The following MCM3AP variants were observed in gnomAD, a reference collection of about 807,000 sequenced individuals.
MCM3AP encodes germinal-center associated nuclear protein.
MCM3AP carries 126 observed loss-of-function variants against 184.1 expected under a neutral mutation model. The observed-to-expected ratio is 0.68, with a 90% CI of 0.59 to 0.79. The LOEUF (loss-of-function observed/expected upper bound fraction) is 0.79, where lower values mean the gene tolerates loss of function less well. MCM3AP is among the 30% of genes least tolerant of loss of function. The pLI is 0.00. For synonymous variants in MCM3AP, 1,002 were observed against 979.3 expected, an observed-to-expected ratio of 1.02 and a Z score of -0.43; for missense variants, 2,496 against 2,479.2, an observed-to-expected ratio of 1.01 and a Z score of -0.14.
chr21:46,273,687 A>C, intron 6 of MCM3AP, 102 bp from the exon 7 acceptor site: 2 of 767,036 alleles, frequency 2.6e-6, no homozygotes, highest in Non-Finnish European at 4.4e-6. Context: ...CACCCACACA[A>C]GATCAGTATT....
intron 26 of MCM3AP, among the ~76,000 whole-genome samples, chr21:46,240,411 G>A (rs1396006478): frequency 6.6e-6 from 1 of 152,070 alleles, no homozygotes; most frequent in Admixed American, 6.6e-5. Flanking sequence ...GCAATGTAGA[G>A]GAGGGGCAGC....
chr21:46,285,484 CTA>C lies in MCM3AP; in HGVS notation c.-200_-199del, dbSNP rs1410306254. On this transcript the variant is annotated 5_prime_UTR_variant, in exon 1 of 28. Transcript: ENST00000291688. ...GAACACTGTCATACTAAAAGGATAA[CTA>C]TTTCAAAGGCAGGCAAAGGGTTATT... The C allele has an allele frequency of 2.6e-5, 15 of 574,954 alleles. No homozygotes were observed. Among genetic ancestry groups the C allele is most frequent in the Non-Finnish European group, 3.7e-5 (12 of 325,904 alleles). 35.6% of individuals were successfully genotyped at this position (574,954 alleles called of 1,614,324 possible). A position where few individuals can be genotyped will look rare whatever the true frequency, so the allele number is the denominator to read the frequency against.
intron 13 of MCM3AP, 122 bp downstream of exon 13, chr21:46,263,995 G>C: frequency 1.7e-6 from 1 of 601,046 alleles, no homozygotes; most frequent in Non-Finnish European, 3.0e-6. Flanking sequence ...CACTGTATCT[G>C]GCAATAACTT....
Position 46,261,345 on chromosome 21 carries a change from T to A in MCM3AP, c.3402A>T (p.Ala1134=). 6.2e-7 allele frequency: 1 copy of A among 1,614,186 alleles called. No homozygotes were observed. The change falls in exon 14 of 28, where the codon GCA becomes GCT. Residue 1134 remains alanine, a synonymous_variant. Coordinates refer to ENST00000291688, the MANE Select transcript of MCM3AP (RefSeq NM_003906.5). Reference sequence around the variant, plus strand: ...CTCTTTCCTTAGACACTTCTTCAGCTGCAATGTGCCTCAAAATGCCCGTGG... The same window carrying A: ...CTCTTTCCTTAGACACTTCTTCAGCAGCAATGTGCCTCAAAATGCCCGTGG... ...AATTGILRHI[A]AEEVSKERER...
chr21:46,243,557 G>A lies in MCM3AP; in HGVS notation c.5204C>T (p.Ser1735Leu), dbSNP rs1053009267. The change falls in exon 24 of 28, where the codon TCG becomes TTG. Residue 1735 changes from serine (S) to leucine (L), a missense_variant. By Grantham distance (145) the Ser-to-Leu change is moderately radical. This residue lies in a region of MCM3AP where 1,323 missense variants were observed against 1,273.4 expected (regional missense o/e 1.04). Transcript: ENST00000291688. ...ATCATCCCATGGGATCTCCATGACC[G>A]AGGGGCCTGCCCCATGGACTGGGGA... ...SPSPVHGAGP[S>L]VMEIPWDDLI... is the part of the protein sequence containing the mutation. The A allele has an allele frequency of 1.7e-5, 28 of 1,614,180 alleles. No individual in the cohort carries two copies. Among genetic ancestry groups the A allele is most frequent in the South Asian group, 3.3e-5 (3 of 91,076 alleles).
intron 20 of MCM3AP, among the ~76,000 whole-genome samples, chr21:46,249,431 C>T (rs375773527): frequency 8.3e-4 from 127 of 152,218 alleles, no homozygotes; most frequent in Middle Eastern, 3.4e-3. Flanking sequence ...CAAAACAATC[C>T]GCTCACTTCG....
At chr21:46,278,954 T>G (rs2081289939) in intron 4 of MCM3AP, among the ~76,000 whole-genome samples, 3 of 680 alleles carry the variant, frequency 4.4e-3, no homozygotes, top group South Asian at 0.056. Context: ...ATTACAGGCG[T>G]GAGCACTGCG....
chr21:46,261,729 T>A, intron 13 of MCM3AP, among the ~76,000 whole-genome samples: 1 of 78,382 alleles, frequency 1.3e-5, no homozygotes. Flanking sequence ...CGAGACTCTG[T>A]CTCAAAAAAA....
Position 46,259,100 on chromosome 21 carries a change from A to G in MCM3AP, c.3582-9T>C, listed in dbSNP as rs1371445082. The G allele has an allele frequency of 6.2e-7, 1 of 1,602,056 alleles. No homozygotes were observed. The highest frequency in any genetic ancestry group is 8.5e-7 in the Non-Finnish European group (1 of 1,174,468). On this transcript the variant is annotated splice_polypyrimidine_tract_variant and intron_variant, in intron 15 of 27. Coordinates refer to ENST00000291688, the MANE Select transcript of MCM3AP (RefSeq NM_003906.5). ...CTGTCTCTACTGCATTCCTAGAAAC[A>G]GGGCAATCAGCATGGAAGACACTGC...
In MCM3AP at chr21:46,254,930, C is replaced by T; in HGVS notation, c.3933-86G>A. On this transcript the variant is annotated intron_variant, in intron 17 of 27. Transcript: ENST00000291688. ...TGTCCCCTGGGGAATACTCAGGAGA[C>T]TGAAAAACACATTTTCTGCCAATGA... 4 of 920,530 alleles carry T rather than the reference C, an allele frequency of 4.3e-6. No homozygotes were observed. In the South Asian group the frequency reaches 5.3e-5, roughly 12 times the overall value. The allele number at this position is 920,530 out of a possible 1,614,324, so 57.0% of individuals were successfully genotyped here. A position where few individuals can be genotyped will look rare whatever the true frequency, so the allele number is the denominator to read the frequency against.
intron 10 of MCM3AP, 176 bp from the exon 11 acceptor site, chr21:46,266,342 T>C (rs1465975635): frequency 3.4e-6 from 2 of 594,366 alleles, no homozygotes; most frequent in Admixed American, 3.1e-5. Context: ...TGTAGGTCCC[T>C]AGAACCACTA....
rs149391613 is a variant in MCM3AP at position 46,272,206 on chromosome 21, A to G, written c.2465+355T>C. ...ATCTTTGACAAAACTATCTGGGAACAGGGAACTGCTAACAACCTTGCAGGG... is the reference window on the plus strand; with the variant it reads ...ATCTTTGACAAAACTATCTGGGAACGGGGAACTGCTAACAACCTTGCAGGG... On this transcript the variant is annotated intron_variant, in intron 8 of 27. Coordinates refer to ENST00000291688, the MANE Select transcript of MCM3AP (RefSeq NM_003906.5). Among the ~76,000 whole-genome samples the G allele has an allele frequency of 3.4e-3, 515 of 152,340 alleles. 5 individuals carry two copies. The highest frequency in any genetic ancestry group is 0.012 in the African/African-American group (484 of 41,584).
At chr21:46,264,057 G>A in intron 13 of MCM3AP, 60 bp downstream of exon 13, 1 of 1,198,126 alleles carries the variant, frequency 8.3e-7, no homozygotes, top group Non-Finnish European at 1.2e-6. Context: ...GAAACTTCTG[G>A]AGGACTGGGT....
chr21:46,283,659 T>A lies in MCM3AP; in HGVS notation c.1399A>T (p.Thr467Ser). 2 of 1,614,196 alleles carry A rather than the reference T, an allele frequency of 1.2e-6. No homozygotes were observed. Among genetic ancestry groups the A allele is most frequent in the Non-Finnish European group, 1.7e-6 (2 of 1,180,030 alleles). The change falls in exon 2 of 28, where the codon ACC (threonine) becomes TCC (serine). Residue 467 changes from threonine (T) to serine (S), a missense_variant. Thr to Ser is a moderately conservative substitution (Grantham distance 58). This residue lies in a region of MCM3AP where 800 missense variants were observed against 717.1 expected (regional missense o/e 1.12). Coordinates refer to ENST00000291688, the MANE Select transcript of MCM3AP (RefSeq NM_003906.5). ...ACTGCAAGCTTTTTGCTGCGCCTGG[T>A]AAAGATGCGCTGCACTTTAGCAATT... ...GKIAKVQRIFTRRSKKLAVVH... is the reference protein window; with the variant it reads ...GKIAKVQRIFSRRSKKLAVVH...
intron 8 of MCM3AP, among the ~76,000 whole-genome samples, chr21:46,272,271 TGAG>T (rs1217831296): frequency 1.3e-5 from 2 of 152,350 alleles, no homozygotes; most frequent in East Asian, 1.9e-4. Context: ...ACCTGTCTCA[TGAG>T]GAGGATTCCT....
At position 46,246,541 on chromosome 21, in the gene MCM3AP, C is replaced by T. The variant is rs900951069; in HGVS notation, c.4549+87G>A. On this transcript the variant is annotated intron_variant, in intron 21 of 27. Coordinates refer to ENST00000291688, the MANE Select transcript of MCM3AP (RefSeq NM_003906.5). ...GTTGCTGTCTCAGTGATTCCTGACC[C>T]CAACACTACTGGACCATCCTCAGAC... is the stretch of plus-strand genomic sequence containing the variant. 5.1e-6 allele frequency: 8 copies of T among 1,559,794 alleles called. No individual in the cohort carries two copies. In the African/African-American group the frequency reaches 8.1e-5, roughly 16 times the overall value.
At chr21:46,250,499 C>T (rs2080852214) in intron 20 of MCM3AP, 4 of 152,216 alleles carry the variant, frequency 2.6e-5, no homozygotes, top group Non-Finnish European at 5.9e-5. Context: ...AGGTTATAAA[C>T]ACACTCAGAC....
At chr21:46,273,714 C>T in intron 6 of MCM3AP, 129 bp from the exon 7 acceptor site, 1 of 677,538 alleles carries the variant, frequency 1.5e-6, no homozygotes, top group Non-Finnish European at 2.4e-6. Flanking sequence ...TATATTTTTT[C>T]AACATAAAAT....
chr21:46,275,799 C>T (rs959800157), intron 5 of MCM3AP, among the ~76,000 whole-genome samples: 3 of 152,178 alleles, frequency 2.0e-5, no homozygotes, highest in African/African-American at 4.8e-5. Context: ...CAGTATTCAC[C>T]ATGACTTTAA....
Sources: allele counts gnomAD v4.1 joint callset (sites outside exome capture counted in the v4.1 genomes callset), GRCh38; gene constraint gnomAD v4.1.1; regional missense constraint gnomAD v4.1.1; transcripts MANE v1.5; gene names NCBI Gene and HGNC (gene_info 2026-07-23, HGNC 2026-07-21).